Variants in VCAN observed in about 807,000 individuals in gnomAD.
VCAN encodes the protein versican, also known as versican core protein.
A neutral mutation model predicts 245.5 loss-of-function variants in VCAN; 44 were observed. That is an observed-to-expected ratio of 0.18 (90% CI 0.14 to 0.23). The LOEUF is 0.23. VCAN is among the 10% of genes least tolerant of loss of function. VCAN has a pLI of 1.00. For missense variants in VCAN, 3,793 were observed against 4,057.9 expected (o/e 0.93, Z 1.77); for synonymous variants, 1,413 against 1,437.0 (o/e 0.98, Z 0.38).
chr5:83,566,056 C>T (rs867354676), intron 12 of VCAN, among the ~76,000 whole-genome samples: 35 of 47,464 alleles, frequency 7.4e-4, no homozygotes, highest in Middle Eastern at 9.3e-3. Context: ...CTCCGCCTCC[C>T]GGGTTAAGTG....
chr5:83,528,021 G>C (rs1049296376), intron 7 of VCAN, among the ~76,000 whole-genome samples: 14 of 152,254 alleles, frequency 9.2e-5, no homozygotes, highest in South Asian at 4.1e-4. Context: ...AATTACCTTC[G>C]GGTAAAGCTA....
At chr5:83,486,421 A>G (rs1455893273) in intron 2 of VCAN, among the ~76,000 whole-genome samples, 1 of 152,224 alleles carries the variant, frequency 6.6e-6, no homozygotes, top group African/African-American at 2.4e-5. Context: ...CAATTGGATC[A>G]TGAAGACATG....
In VCAN at chr5:83,493,879, C is replaced by G. The variant is rs1214212199; in HGVS notation, c.696C>G (p.Phe232Leu). 1.2e-6 allele frequency: 2 copies of G among 1,614,084 alleles called. No homozygotes were observed. Among genetic ancestry groups the G allele is most frequent in the South Asian group, 2.2e-5 (2 of 91,068 alleles). Residue 232 changes from phenylalanine to leucine, a missense_variant, in exon 5 of 15, where the codon TTC becomes TTG. This residue lies in a region of VCAN where 190 missense variants were observed against 288.6 expected (regional missense o/e 0.66). Coordinates refer to ENST00000265077, the MANE Select transcript of VCAN (RefSeq NM_004385.5). The stretch of plus-strand genomic sequence containing the variant: ...AGGCAGGAGTCAGGACTTATGGATT[C>G]CGTTCTCCCCAGGAAACTTACGATG... Reference protein sequence around the residue: ...MGKAGVRTYGFRSPQETYDVY... With the variant: ...MGKAGVRTYGLRSPQETYDVY...
At chr5:83,491,945 T>A (rs1323077065) in intron 3 of VCAN, among the ~76,000 whole-genome samples, 2 of 152,202 alleles carry the variant, frequency 1.3e-5, no homozygotes, top group African/African-American at 4.8e-5. Flanking sequence ...TTAAGCTATC[T>A]CTTATATTCA....
intron 5 of VCAN, among the ~76,000 whole-genome samples, chr5:83,505,790 A>G (rs1447705847): frequency 3.9e-5 from 6 of 152,170 alleles, no homozygotes; most frequent in Non-Finnish European, 7.4e-5. Context: ...CCCCACCCCT[A>G]CAGCAAACTT....
chr5:83,477,506 A>G (rs1744433668), intron 1 of VCAN, among the ~76,000 whole-genome samples: 1 of 152,194 alleles, frequency 6.6e-6, no homozygotes, highest in Admixed American at 6.5e-5. Flanking sequence ...GATGAATCAA[A>G]TATGAAATGT....
At chr5:83,572,865 A>T (rs202022508) in intron 13 of VCAN, among the ~76,000 whole-genome samples, 48 of 31,510 alleles carry the variant, frequency 1.5e-3, no homozygotes, top group Admixed American at 3.9e-3. Context: ...TTTTATTTTT[A>T]TTTATTTATT....
intron 7 of VCAN, among the ~76,000 whole-genome samples, chr5:83,534,827 C>T (rs1334321323): frequency 6.6e-6 from 1 of 152,082 alleles, no homozygotes; most frequent in Admixed American, 6.6e-5. Context: ...TGCTTCTGCT[C>T]ATATAGTTTA....
In VCAN at chr5:83,520,484, C is replaced by T; in HGVS notation, c.2178C>T (p.Leu726=). The T allele has an allele frequency of 1.9e-5, 31 of 1,614,004 alleles. No homozygotes were observed. Among genetic ancestry groups the T allele is most frequent in the Non-Finnish European group, 2.6e-5 (31 of 1,179,972 alleles). ...AAGAAGTCTTCTCTGGGATGAAACTCTCTACATCTCTCTCAGAGCCAATTC... is the reference window on the plus strand; with the variant it reads ...AAGAAGTCTTCTCTGGGATGAAACTTTCTACATCTCTCTCAGAGCCAATTC... ...TEEEVFSGMK[L]STSLSEPIHV... is the part of the protein sequence containing the mutation. The change falls in exon 7 of 15, where the codon CTC becomes CTT. Residue 726 remains leucine, a synonymous_variant. Transcript: ENST00000265077.
intron 5 of VCAN, among the ~76,000 whole-genome samples, chr5:83,502,395 C>G (rs1001748647): frequency 1.9e-4 from 29 of 152,154 alleles, no homozygotes; most frequent in Non-Finnish European, 4.1e-4. Flanking sequence ...CCAAAAAAAC[C>G]CAAACTAGGC....
chr5:83,472,325 G>T (rs1270587334), intron 1 of VCAN, among the ~76,000 whole-genome samples: 1 of 152,090 alleles, frequency 6.6e-6, no homozygotes, highest in African/African-American at 2.4e-5. Context: ...AAATTGTAAA[G>T]AAATCATAGA....
intron 5 of VCAN, among the ~76,000 whole-genome samples, chr5:83,501,926 G>T (rs899300679): frequency 6.6e-6 from 1 of 152,068 alleles, no homozygotes; most frequent in African/African-American, 2.4e-5. Context: ...GTGAACCTGA[G>T]ATGTCTTTCT....
At chr5:83,545,744 A>G (rs991985781) in intron 9 of VCAN, 94 bp downstream of exon 9, 1 of 1,018,744 alleles carries the variant, frequency 9.8e-7, no homozygotes, top group African/African-American at 1.6e-5. Context: ...GATTTCAAAG[A>G]AACCCATATG....
intron 6 of VCAN, among the ~76,000 whole-genome samples, chr5:83,517,107 GCT>G (rs1171093087): frequency 1.3e-5 from 2 of 152,172 alleles, no homozygotes; most frequent in Non-Finnish European, 2.9e-5. Context: ...AGGACATATT[GCT>G]ACCACTTTAT....
intron 12 of VCAN, among the ~76,000 whole-genome samples, chr5:83,561,821 T>A (rs575026838): frequency 1.3e-5 from 2 of 152,308 alleles, no homozygotes; most frequent in Admixed American, 1.3e-4. Flanking sequence ...TGTATCATTA[T>A]TACCCTTTCA....
chr5:83,474,336 G>A (rs1744304686), intron 1 of VCAN, among the ~76,000 whole-genome samples: 1 of 152,162 alleles, frequency 6.6e-6, no homozygotes, highest in South Asian at 2.1e-4. Flanking sequence ...GGAACGGACC[G>A]GAAGGGTTCG....
At chr5:83,505,457 A>G (rs565788277) in intron 5 of VCAN, among the ~76,000 whole-genome samples, 2 of 152,314 alleles carry the variant, frequency 1.3e-5, no homozygotes, top group African/African-American at 4.8e-5. Context: ...TAAAGCTCCA[A>G]AATGATCTCC....
At chr5:83,480,428 G>A (rs1744573983) in intron 1 of VCAN, among the ~76,000 whole-genome samples, 1 of 152,098 alleles carries the variant, frequency 6.6e-6, no homozygotes, top group South Asian at 2.1e-4. Flanking sequence ...TCTAGATATT[G>A]ACAAACATCA....
At position 83,539,506 on chromosome 5, in the gene VCAN, A is replaced by C. The variant is rs1300673263; in HGVS notation, c.6503A>C (p.Lys2168Thr). 4 of 1,613,984 alleles carry C rather than the reference A, an allele frequency of 2.5e-6. No individual in the cohort carries two copies. The highest frequency in any genetic ancestry group is 3.4e-6 in the Non-Finnish European group (4 of 1,179,988). ...LTTKKTYSDD[K>T]EMKEEDTSLV... ...ACAAAGAAAACTTACAGTGATGATA[A>C]AGAAATGAAGGAGGAAGACACTTCT... Residue 2168 changes from lysine to threonine, a missense_variant, in exon 8 of 15, where the codon AAA becomes ACA. Lys to Thr is a moderately conservative substitution (Grantham distance 78). Coordinates refer to ENST00000265077, the MANE Select transcript of VCAN (RefSeq NM_004385.5).
Sources: gnomAD v4.1 joint callset for allele counts (sites outside exome capture counted in the v4.1 genomes callset) on GRCh38, gnomAD v4.1.1 for gene constraint, gnomAD v4.1.1 regional missense constraint, MANE v1.5 for transcripts, NCBI Gene and HGNC (gene_info 2026-07-23, HGNC 2026-07-21) for gene names.